The following ROBO1 variants were observed in gnomAD, a reference collection of about 807,000 sequenced individuals.
The protein encoded by ROBO1 is roundabout homolog 1.
ROBO1 carries 149 observed loss-of-function variants against 195.9 expected under a neutral mutation model. The observed-to-expected ratio is 0.76, with a 90% CI of 0.67 to 0.87. The LOEUF is 0.87. Among genes scored for constraint, ROBO1 ranks in the 40% least tolerant of loss-of-function variants. The pLI is 0.00. For missense variants in ROBO1, 1,933 were observed against 2,068.3 expected (o/e 0.93, Z 1.27); for synonymous variants, 816 against 733.2 (o/e 1.11, Z -1.82).
At chr3:78,699,732 C>G (rs990466986) in intron 8 of ROBO1, among the ~76,000 whole-genome samples, 4 of 151,892 alleles carry the variant, frequency 2.6e-5, no homozygotes, top group African/African-American at 9.7e-5. Context: ...TCAGTGTCTT[C>G]TCGTATCACC....
chr3:79,682,990 A>G (rs1041184591), intron 1 of ROBO1, among the ~76,000 whole-genome samples: 7 of 147,842 alleles, frequency 4.7e-5, no homozygotes, highest in African/African-American at 1.7e-4. Flanking sequence ...GACATATAGG[A>G]TATAGCAATA....
At chr3:79,524,127 G>T (rs1232020052) in intron 2 of ROBO1, among the ~76,000 whole-genome samples, 1 of 152,036 alleles carries the variant, frequency 6.6e-6, no homozygotes, top group African/African-American at 2.4e-5. Context: ...CTTCGTTAGA[G>T]AAAGTTCAAA....
At chr3:79,319,205 G>C (rs920170001) in intron 2 of ROBO1, among the ~76,000 whole-genome samples, 9 of 152,176 alleles carry the variant, frequency 5.9e-5, no homozygotes, top group South Asian at 4.1e-4. Context: ...TTTGAATTTG[G>C]AGTAGCTACA....
At position 79,373,139 on chromosome 3, in the gene ROBO1, G is replaced by A. The variant is rs568104913; in HGVS notation, c.88+216685C>T. Reference sequence around the variant, plus strand: ...AGTTGTGTTTGATACTAAGCTTTAGGTTTACTTAAAATACAAGTTCTAACA... The same window carrying A: ...AGTTGTGTTTGATACTAAGCTTTAGATTTACTTAAAATACAAGTTCTAACA... On this transcript the variant is annotated intron_variant, in intron 2 of 30. Coordinates refer to ENST00000464233, the MANE Select transcript of ROBO1 (RefSeq NM_002941.4). 2.6e-5 allele frequency among the ~76,000 whole-genome samples: 4 copies of A among 152,008 alleles called. No homozygotes were observed. The East Asian group carries it at 7.7e-4, about 29-fold the overall frequency.
intron 1 of ROBO1, among the ~76,000 whole-genome samples, chr3:79,643,030 T>C (rs1053710484): frequency 2.0e-5 from 3 of 151,538 alleles, no homozygotes; most frequent in African/African-American, 7.3e-5. Context: ...ATCAGTGGAC[T>C]GGGAGAGGCA....
intron 2 of ROBO1, among the ~76,000 whole-genome samples, chr3:79,517,411 A>G (rs1013145980): frequency 6.6e-6 from 1 of 151,988 alleles, no homozygotes; most frequent in Non-Finnish European, 1.5e-5. Flanking sequence ...ATTTTTCCTT[A>G]TTGTTCTCTA....
chr3:79,014,309 C>G (rs1457851398), intron 3 of ROBO1, among the ~76,000 whole-genome samples: 1 of 152,030 alleles, frequency 6.6e-6, no homozygotes, highest in Non-Finnish European at 1.5e-5. Flanking sequence ...ATCTCTACTA[C>G]TAAAAATACA....
intron 2 of ROBO1, among the ~76,000 whole-genome samples, chr3:79,170,507 T>C (rs915513133): frequency 6.6e-6 from 1 of 152,158 alleles, no homozygotes; most frequent in Non-Finnish European, 1.5e-5. Context: ...TAGGAAAATA[T>C]GTGAAATGTT....
intron 21 of ROBO1, among the ~76,000 whole-genome samples, chr3:78,642,581 C>A (rs1706034629): frequency 6.6e-6 from 1 of 152,206 alleles, no homozygotes; most frequent in Non-Finnish European, 1.5e-5. Context: ...TTTCCCATCC[C>A]ACCCTTCTCA....
At chr3:78,861,343 A>T (rs899222726) in intron 4 of ROBO1, among the ~76,000 whole-genome samples, 1 of 152,126 alleles carries the variant, frequency 6.6e-6, no homozygotes, top group African/African-American at 2.4e-5. Context: ...TTCCATGTCT[A>T]CCGGCACAAT....
chr3:79,084,515 A>T (rs1332407305), intron 3 of ROBO1, among the ~76,000 whole-genome samples: 1 of 152,150 alleles, frequency 6.6e-6, no homozygotes, highest in African/African-American at 2.4e-5. Context: ...GAGAATAATA[A>T]AACAGATCGG....
intron 1 of ROBO1, among the ~76,000 whole-genome samples, chr3:79,644,530 G>A (rs1311712624): frequency 1.3e-5 from 2 of 152,098 alleles, no homozygotes; most frequent in African/African-American, 4.8e-5. Flanking sequence ...AGCTTGTGCA[G>A]GGGAAGTCCT....
chr3:79,019,028 G>A (rs2078034225), intron 3 of ROBO1: 2 of 989,688 alleles, frequency 2.0e-6, no homozygotes, highest in Non-Finnish European at 2.4e-6. Flanking sequence ...GTGACTGGGT[G>A]ACTCCGCGCG....
intron 2 of ROBO1, among the ~76,000 whole-genome samples, chr3:79,193,067 A>G (rs1239724611): frequency 1.3e-5 from 2 of 151,698 alleles, no homozygotes; most frequent in Non-Finnish European, 1.5e-5. Context: ...GTTGGTCGCC[A>G]TAGGTGACAT....
At chr3:79,294,757 AAAAC>A (rs1364148052) in intron 2 of ROBO1, among the ~76,000 whole-genome samples, 5 of 152,210 alleles carry the variant, frequency 3.3e-5, no homozygotes, top group Admixed American at 2.0e-4. Context: ...TTACAAGAAA[AAAAC>A]AAACAACCCC....
intron 3 of ROBO1, among the ~76,000 whole-genome samples, chr3:79,113,208 C>T (rs990509030): frequency 6.6e-6 from 1 of 152,102 alleles, no homozygotes; most frequent in Non-Finnish European, 1.5e-5. Flanking sequence ...GTTGATATTG[C>T]TAATACCTAG....
intron 21 of ROBO1, among the ~76,000 whole-genome samples, chr3:78,644,080 T>C (rs537922582): frequency 6.6e-6 from 1 of 152,000 alleles, no homozygotes; most frequent in Non-Finnish European, 1.5e-5. Flanking sequence ...TGTAGGAGTT[T>C]GGTTCATTAT....
chr3:78,912,441 C>T (rs2038302058), intron 4 of ROBO1, among the ~76,000 whole-genome samples: 1 of 152,082 alleles, frequency 6.6e-6, no homozygotes, highest in Admixed American at 6.6e-5. Flanking sequence ...ATACAAGGCA[C>T]GTTGGCCATT....
chr3:78,802,359 T>G (rs1288219235), intron 4 of ROBO1, among the ~76,000 whole-genome samples: 5 of 152,134 alleles, frequency 3.3e-5, no homozygotes, highest in Non-Finnish European at 5.9e-5. Context: ...TTTCCAGATT[T>G]AACTATTCAC....
Sources: gnomAD v4.1 joint callset for allele counts (sites outside exome capture counted in the v4.1 genomes callset) on GRCh38, gnomAD v4.1.1 for gene constraint, MANE v1.5 for transcripts, NCBI Gene and HGNC (gene_info 2026-07-23, HGNC 2026-07-21) for gene names.